XRCC4: variants seen among roughly 807,000 people sequenced by gnomAD.
The protein encoded by XRCC4 is DNA repair protein XRCC4.
Under a neutral mutation model 39.1 loss-of-function variants are expected in XRCC4, and 28 were observed. The ratio of observed to expected loss-of-function variants is 0.72; its 90% CI spans 0.53 to 0.98. XRCC4 has a LOEUF of 0.98. Among genes scored for constraint, XRCC4 ranks in the 50% least tolerant of loss-of-function variants. The pLI, the probability that XRCC4 is intolerant of heterozygous loss-of-function variation, is 0.00. For missense variants in XRCC4, 350 were observed against 376.4 expected, an observed-to-expected ratio of 0.93 and a Z score of 0.58; for synonymous variants, 123 against 126.4, an observed-to-expected ratio of 0.97 and a Z score of 0.18.
At chr5:83,169,282 T>G (rs1181575660) in intron 3 of XRCC4, among the ~76,000 whole-genome samples, 3 of 152,202 alleles carry the variant, frequency 2.0e-5, no homozygotes, top group Non-Finnish European at 4.4e-5. Context: ...CTTTTATTTC[T>G]TACTAAATTT....
At chr5:83,211,779 G>A (rs1751656147) in intron 6 of XRCC4, among the ~76,000 whole-genome samples, 2 of 152,100 alleles carry the variant, frequency 1.3e-5, no homozygotes. Context: ...AAACTGTGCA[G>A]AAACATCAAT....
chr5:83,260,182 T>C (rs1390829582), intron 7 of XRCC4, among the ~76,000 whole-genome samples: 1 of 152,124 alleles, frequency 6.6e-6, no homozygotes, highest in Non-Finnish European at 1.5e-5. Context: ...ATAGAGCTCA[T>C]AGAGTTCAAG....
At chr5:83,309,083 T>C (rs1755590343) in intron 7 of XRCC4, among the ~76,000 whole-genome samples, 1 of 149,892 alleles carries the variant, frequency 6.7e-6, no homozygotes, top group Non-Finnish European at 1.5e-5. Context: ...ATCGAGACCA[T>C]CCCAGCTAAC....
chr5:83,288,703 C>G (rs1323319259), intron 7 of XRCC4, among the ~76,000 whole-genome samples: 1 of 151,698 alleles, frequency 6.6e-6, no homozygotes, highest in Non-Finnish European at 1.5e-5. Context: ...TGGCTTCTTT[C>G]AACATTTTCT....
intron 7 of XRCC4, chr5:83,280,544 GC>G: frequency 1.7e-6 from 1 of 580,892 alleles, no homozygotes; most frequent in South Asian, 2.3e-5. Flanking sequence ...TTCTGCACAG[GC>G]CCCTGCACTG....
chr5:83,234,900 A>T (rs1752628558), intron 6 of XRCC4, among the ~76,000 whole-genome samples: 1 of 151,658 alleles, frequency 6.6e-6, no homozygotes, highest in Non-Finnish European at 1.5e-5. Context: ...TTAAATAGAT[A>T]TATTTGTATA....
chr5:83,325,331 T>A (rs1258602156), intron 7 of XRCC4, among the ~76,000 whole-genome samples: 1 of 152,104 alleles, frequency 6.6e-6, no homozygotes, highest in African/African-American at 2.4e-5. Context: ...AGTTCAGGGG[T>A]ACATGTGCAG....
At chr5:83,364,384 A>G in the XRCC4 span, among the ~76,000 whole-genome samples, 12 of 152,266 alleles carry the variant, frequency 7.9e-5, no homozygotes, top group South Asian at 2.1e-4. Flanking sequence ...ATGAGGAGAT[A>G]CTTTTTCCAC....
intron 3 of XRCC4, among the ~76,000 whole-genome samples, chr5:83,122,083 T>A (rs1229357778): frequency 6.6e-6 from 1 of 152,176 alleles, no homozygotes; most frequent in African/African-American, 2.4e-5. Context: ...AGGCTTATAA[T>A]AAATCATGAA....
At chr5:83,113,295 T>C (rs999070375) in intron 3 of XRCC4, among the ~76,000 whole-genome samples, 3 of 152,334 alleles carry the variant, frequency 2.0e-5, no homozygotes, top group African/African-American at 7.2e-5. Flanking sequence ...CAGGTGATGC[T>C]AATGCAAGAG....
intron 3 of XRCC4, among the ~76,000 whole-genome samples, chr5:83,145,679 T>C (rs1345018170): frequency 1.3e-5 from 2 of 152,200 alleles, no homozygotes; most frequent in African/African-American, 2.4e-5. Context: ...GTGCTGTGAT[T>C]TCTCTGAAAG....
intron 3 of XRCC4, among the ~76,000 whole-genome samples, chr5:83,132,562 C>T (rs760738770): frequency 5.3e-5 from 8 of 151,964 alleles, no homozygotes; most frequent in South Asian, 2.1e-4. Flanking sequence ...CCATATTTCT[C>T]GGAGGCTTTG....
intron 4 of XRCC4, among the ~76,000 whole-genome samples, chr5:83,200,782 G>A (rs1457566518): frequency 6.6e-6 from 1 of 152,004 alleles, no homozygotes; most frequent in East Asian, 1.9e-4. Flanking sequence ...TATGTTTGAA[G>A]TATGTTATTA....
intron 3 of XRCC4, among the ~76,000 whole-genome samples, chr5:83,136,182 A>G (rs996482585): frequency 3.9e-5 from 6 of 152,264 alleles, no homozygotes; most frequent in Non-Finnish European, 7.4e-5. Flanking sequence ...ACAAGAGGGT[A>G]TAGTGAATAA....
At chr5:83,348,244 G>A (rs1429451940) in intron 7 of XRCC4, among the ~76,000 whole-genome samples, 1 of 152,156 alleles carries the variant, frequency 6.6e-6, no homozygotes, top group Non-Finnish European at 1.5e-5. Flanking sequence ...TCCCTTTGAG[G>A]GCTCCAACCA....
the XRCC4 span, among the ~76,000 whole-genome samples, chr5:83,365,390 GAAATAGC>G: frequency 6.6e-6 from 1 of 152,114 alleles, no homozygotes; most frequent in African/African-American, 2.4e-5. Flanking sequence ...AAAATAAAGG[GAAATAGC>G]AAGAGGAAAA....
At chr5:83,274,994 TGTGATAACA>T (rs954018037) in intron 7 of XRCC4, among the ~76,000 whole-genome samples, 11 of 152,132 alleles carry the variant, frequency 7.2e-5, no homozygotes, top group South Asian at 2.1e-4. Context: ...GTAGGGAGCT[TGTGATAACA>T]GACAGATCAG....
At chr5:83,172,100 GGGT>G (rs767879745) in intron 3 of XRCC4, among the ~76,000 whole-genome samples, 1 of 152,142 alleles carries the variant, frequency 6.6e-6, no homozygotes, top group Non-Finnish European at 1.5e-5. Context: ...ATGGTACAGT[GGGT>G]GGTGGAGAAC....
chr5:83,250,871 C>A (rs138205082), intron 6 of XRCC4, among the ~76,000 whole-genome samples: 17 of 152,254 alleles, frequency 1.1e-4, no homozygotes, highest in African/African-American at 3.6e-4. Context: ...AAAGAAAAAT[C>A]GAAGCTTCAC....
Sources: gnomAD v4.1 joint callset for allele counts (sites outside exome capture counted in the v4.1 genomes callset) on GRCh38, gnomAD v4.1.1 for gene constraint, MANE v1.5 for transcripts, NCBI Gene and HGNC (gene_info 2026-07-23, HGNC 2026-07-21) for gene names.